Variants in RNF151 observed in about 807,000 individuals in gnomAD.
RNF151 encodes the protein ring finger protein 151.
In RNF151, 9 loss-of-function variants were observed where a neutral mutation model predicts 11.1. The ratio of observed to expected loss-of-function variants is 0.81; its 90% confidence interval spans 0.49 to 1.42. The LOEUF is 1.42. Ranked by LOEUF, RNF151 falls within the 40% of genes most tolerant of loss-of-function variation. The probability of loss-of-function intolerance (pLI) is 0.00; values close to 1 mark genes in which losing one functional copy is unlikely to be tolerated. For synonymous variants in RNF151, 172 were observed against 140.7 expected (o/e 1.22, Z -1.58); for missense variants, 372 against 342.9 (o/e 1.08, Z -0.67).
Position 1,968,592 on chromosome 16 carries a change from G to A in RNF151, c.405G>A (p.Gln135=). The change falls in exon 4 of 4, where the codon CAG becomes CAA. Residue 135 remains glutamine, a synonymous_variant. Coordinates refer to ENST00000569714, the MANE Select transcript of RNF151 (RefSeq NM_174903.6). ...GTLAEHRQHC[Q]QGSQQRCPLG... The stretch of plus-strand genomic sequence containing the variant: ...TGGCAGAGCACCGGCAGCATTGCCA[G>A]CAAGGGTCCCAGCAGCGCTGCCCCC... The A allele has an allele frequency of 6.3e-7, 1 of 1,591,794 alleles. No individual in the cohort carries two copies. The highest frequency in any genetic ancestry group is 8.5e-7 in the Non-Finnish European group (1 of 1,170,120).
In RNF151 at chr16:1,968,597, G is replaced by T; in HGVS notation, c.410G>T (p.Gly137Val). ...LAEHRQHCQQ[G>V]SQQRCPLGCG... is the part of the protein sequence containing the mutation. Reference sequence around the variant, plus strand: ...GAGCACCGGCAGCATTGCCAGCAAGGGTCCCAGCAGCGCTGCCCCCTGGGC... The same window carrying T: ...GAGCACCGGCAGCATTGCCAGCAAGTGTCCCAGCAGCGCTGCCCCCTGGGC... The change falls in exon 4 of 4, where the codon GGG becomes GTG. Residue 137 changes from glycine to valine, a missense_variant. Transcript: ENST00000569714. 1 of 1,586,858 alleles carries T rather than the reference G, an allele frequency of 6.3e-7. No individual in the cohort carries two copies. Among genetic ancestry groups the T allele is most frequent in the Non-Finnish European group, 8.6e-7 (1 of 1,167,684 alleles).
chr16:1,967,144 G>A, intron 1 of RNF151, 130 bp from the exon 2 acceptor site: 1 of 1,269,098 alleles, frequency 7.9e-7, no homozygotes, highest in Non-Finnish European at 1.1e-6. Context: ...AGTGGGCGCT[G>A]AGCCAACCCC....
chr16:1,966,860 AG>A lies in RNF151; in HGVS notation c.-21del, dbSNP rs768986408. On this transcript the variant is annotated 5_prime_UTR_variant, in exon 1 of 4. Transcript: ENST00000569714. ...GCTCCTGAGCTCTGGGGGCCTGTGG[AG>A]CTGCTGTCTAGACGCAGATCATGGT... 3.7e-5 allele frequency: 58 copies of A among 1,553,648 alleles called. No homozygotes were observed. In the South Asian group the frequency reaches 6.8e-4, roughly 18 times the overall value.
rs370653308 is a variant in RNF151, at chr16:1,968,429, C to T, written c.247-5C>T. The stretch of plus-strand genomic sequence containing the variant: ...GTTTCTTCACACGTTCTCCTTCACC[C>T]TCAGTGCAAGAACGCCGACGCTGGC... On this transcript the variant is annotated splice_polypyrimidine_tract_variant and splice_region_variant and intron_variant, in intron 3 of 3. Coordinates refer to ENST00000569714, the MANE Select transcript of RNF151 (RefSeq NM_174903.6). 5 of 1,541,158 alleles carry T rather than the reference C, an allele frequency of 3.2e-6. No homozygotes were observed. Among genetic ancestry groups the T allele is most frequent in the Non-Finnish European group, 4.4e-6 (5 of 1,139,814 alleles).
rs1166004472 is a variant in RNF151, at chr16:1,967,561, A to C, written c.149+142A>C. ...TAAAATGTGTGTACCCTCACTCAGT[A>C]GTGTCTGCAGACCCCGGCCCCACCC... On this transcript the variant is annotated intron_variant, in intron 2 of 3. Transcript: ENST00000569714. 7 of 945,864 alleles carry C rather than the reference A, an allele frequency of 7.4e-6. No individual in the cohort carries two copies. The Admixed American group carries it at 1.6e-4, about 21-fold the overall frequency. The allele number at this position is 945,864 out of a possible 1,614,324, so 58.6% of individuals were successfully genotyped here.
Position 1,966,896 on chromosome 16 carries a change from G to C in RNF151, c.3+12G>C. On this transcript the variant is annotated intron_variant, in intron 1 of 3. Transcript: ENST00000569714. The stretch of plus-strand genomic sequence containing the variant: ...AGACGCAGATCATGGTGAGCCTGGG[G>C]CCCTCTTGCTTCCAGCCCTGAGATG... The C allele has an allele frequency of 6.3e-7, 1 of 1,574,834 alleles. No individual in the cohort carries two copies.
Position 1,967,488 on chromosome 16 carries a change from CAG to C in RNF151, c.149+72_149+73del, listed in dbSNP as rs1032267053. ...TGGGGGCCATTGCTGTGGCCCAGAA[CAG>C]AGGGGAAAGTCAGCCAAAAGACTCA... On this transcript the variant is annotated intron_variant, in intron 2 of 3. Coordinates refer to ENST00000569714, the MANE Select transcript of RNF151 (RefSeq NM_174903.6). The C allele has an allele frequency of 3.5e-6, 5 of 1,424,516 alleles. No individual in the cohort carries two copies. The African/African-American group carries it at 5.7e-5, about 16-fold the overall frequency. The allele number at this position is 1,424,516 out of a possible 1,614,324, so 88.2% of individuals were successfully genotyped here.
chr16:1,968,489 G>A lies in RNF151; in HGVS notation c.302G>A (p.Gly101Glu). 6.3e-7 allele frequency: 1 copy of A among 1,596,334 alleles called. No individual in the cohort carries two copies. ...ACATGCCCCCTGGCCCATCGCAAGG[G>A]GCACCAGGACTCATGCCCCTTTGAG... ...IVTCPLAHRKGHQDSCPFELT... is the reference protein window; with the variant it reads ...IVTCPLAHRKEHQDSCPFELT... Residue 101 changes from glycine to glutamate, a missense_variant, in exon 4 of 4, where the codon GGG becomes GAG. Transcript: ENST00000569714.
chr16:1,967,215 T>C, intron 1 of RNF151, 59 bp from the exon 2 acceptor site: 5 of 1,571,008 alleles, frequency 3.2e-6, no homozygotes, highest in Non-Finnish European at 4.3e-6. Flanking sequence ...TCTTGCTCGG[T>C]ATGTGGACCA....
chr16:1,967,192 G>A, intron 1 of RNF151, 82 bp from the exon 2 acceptor site: 1 of 1,517,970 alleles, frequency 6.6e-7, no homozygotes. Flanking sequence ...CCTGCCAAAA[G>A]CTTGCTGGGC....
Position 1,968,649 on chromosome 16 carries a change from G to A in RNF151, c.462G>A (p.Glu154=), listed in dbSNP as rs45484597. The stretch of plus-strand genomic sequence containing the variant: ...GCGGGGCCACCCTGGACCCGGCCGA[G>A]CGTGCTCGCCACAACTGCTACCGGG... ...LGCGATLDPA[E]RARHNCYREL... is the part of the protein sequence containing the mutation. Residue 154 remains glutamate (E), a synonymous_variant, in exon 4 of 4, where the codon GAG becomes GAA. Coordinates refer to ENST00000569714, the MANE Select transcript of RNF151 (RefSeq NM_174903.6). The A allele has an allele frequency of 0.029, 45,461 of 1,566,270 alleles. 861 individuals are homozygous for A. The highest frequency in any genetic ancestry group is 0.083 in the African/African-American group (6,144 of 73,704).
chr16:1,968,346 C>G, intron 3 of RNF151, 88 bp from the exon 4 acceptor site: 1 of 1,427,702 alleles, frequency 7.0e-7, no homozygotes, highest in Non-Finnish European at 9.2e-7. Context: ...GCTCCCGGTT[C>G]CCTGGTTCCT....
At position 1,968,881 on chromosome 16, in the gene RNF151, G is replaced by A. The variant is rs372562891; in HGVS notation, c.694G>A (p.Ala232Thr). ...AEAAPEGNVG[A>T]EVVGEPRANI... is the part of the protein sequence containing the mutation. ...GGCTGCCCCAGAAGGCAACGTTGGG[G>A]CTGAGGTGGTGGGGGAGCCCAGGGC... Residue 232 changes from alanine to threonine, a missense_variant, in exon 4 of 4, where the codon GCT (alanine) becomes ACT (threonine). By Grantham distance (58) the Ala-to-Thr change is moderately conservative (BLOSUM62 0). Coordinates refer to ENST00000569714, the MANE Select transcript of RNF151 (RefSeq NM_174903.6). 116 of 1,600,448 alleles carry A rather than the reference G, an allele frequency of 7.2e-5. No homozygotes were observed. The highest frequency in any genetic ancestry group is 9.2e-5 in the Non-Finnish European group (108 of 1,174,378).
chr16:1,967,576 C>T (rs1033985809), intron 2 of RNF151, 149 bp from the exon 3 acceptor site: 14 of 906,852 alleles, frequency 1.5e-5, no homozygotes, highest in African/African-American at 8.3e-5. Flanking sequence ...CTGCAGACCC[C>T]GGCCCCACCC....
At chr16:1,966,934 C>T in intron 1 of RNF151, 50 bp downstream of exon 1, 1 of 1,537,818 alleles carries the variant, frequency 6.5e-7, no homozygotes, top group Non-Finnish European at 8.8e-7. Flanking sequence ...TGCCCAACTC[C>T]AGAAACCTGC....
chr16:1,967,302 C>T lies in RNF151; in HGVS notation c.32C>T (p.Ala11Val), dbSNP rs1354440981. ...GGCGGGTATGATCTCAACCTCTTCGCCAGCCCTCCTGACAGCAACTTCGTG... is the reference window on the plus strand; with the variant it reads ...GGCGGGTATGATCTCAACCTCTTCGTCAGCCCTCCTGACAGCAACTTCGTG... MGGGYDLNLFASPPDSNFVCS... is the reference protein window; with the variant it reads MGGGYDLNLFVSPPDSNFVCS... The change falls in exon 2 of 4, where the codon GCC (alanine) becomes GTC (valine). Residue 11 changes from alanine (A) to valine (V), a missense_variant. Ala to Val is a moderately conservative substitution (Grantham distance 64, BLOSUM62 0). Coordinates refer to ENST00000569714, the MANE Select transcript of RNF151 (RefSeq NM_174903.6). 6.2e-7 allele frequency: 1 copy of T among 1,613,350 alleles called. No homozygotes were observed. Among genetic ancestry groups the T allele is most frequent in the African/African-American group, 1.3e-5 (1 of 74,906 alleles).
intron 3 of RNF151, 129 bp from the exon 4 acceptor site, chr16:1,968,304 AC>A: frequency 8.3e-7 from 1 of 1,203,022 alleles, no homozygotes; most frequent in Non-Finnish European, 1.1e-6. Flanking sequence ...TGTTCTCTCC[AC>A]CAACTCACCA....
intron 2 of RNF151, 39 bp downstream of exon 2, chr16:1,967,458 G>A: frequency 6.4e-7 from 1 of 1,569,862 alleles, no homozygotes; most frequent in Non-Finnish European, 8.7e-7. Context: ...GGGCAGGAGT[G>A]AGACTGGGGG....
Position 1,968,884 on chromosome 16 carries a change from G to T in RNF151, c.697G>T (p.Glu233Ter). The T allele has an allele frequency of 6.2e-7, 1 of 1,600,432 alleles. No homozygotes were observed. Among genetic ancestry groups the T allele is most frequent in the Non-Finnish European group, 8.5e-7 (1 of 1,174,332 alleles). The stretch of plus-strand genomic sequence containing the variant: ...TGCCCCAGAAGGCAACGTTGGGGCT[G>T]AGGTGGTGGGGGAGCCCAGGGCCAA... ...EAAPEGNVGA[E>*]VVGEPRANIP... The change falls in exon 4 of 4, where the codon GAG becomes TAG. Residue 233 changes from glutamate (E) to a stop codon, truncating the protein, a stop_gained. Coordinates refer to ENST00000569714, the MANE Select transcript of RNF151 (RefSeq NM_174903.6). LOFTEE classifies it high-confidence loss of function.
Sources: gnomAD v4.1 joint callset for allele counts on GRCh38, gnomAD v4.1.1 for gene constraint, MANE v1.5 for transcripts, NCBI Gene and HGNC (gene_info 2026-07-23, HGNC 2026-07-21) for gene names.